The following SLC25A12 variants were observed in gnomAD, a reference collection of about 807,000 sequenced individuals.
SLC25A12 encodes the protein solute carrier family 25 member 12, also known as electrogenic aspartate/glutamate antiporter SLC25A12, mitochondrial.
SLC25A12 carries 32 observed loss-of-function variants against 83.3 expected under a neutral mutation model. The observed-to-expected ratio is 0.38, with a 90% CI of 0.29 to 0.52. SLC25A12 has a LOEUF of 0.52. Ranked by LOEUF, SLC25A12 falls within the 20% of genes least tolerant of loss-of-function variation. SLC25A12 has a pLI of 0.84. For missense variants in SLC25A12, 611 were observed against 835.6 expected, an observed-to-expected ratio of 0.73 and a Z score of 3.31; for synonymous variants, 267 against 291.1, an observed-to-expected ratio of 0.92 and a Z score of 0.84.
chr2:171,837,829 T>G (rs1304650666), intron 5 of SLC25A12, among the ~76,000 whole-genome samples: 1 of 152,224 alleles, frequency 6.6e-6, no homozygotes, highest in Non-Finnish European at 1.5e-5. Context: ...TCAGTCATTC[T>G]AAAATGAAAG....
At chr2:171,851,396 G>C (rs1452562853) in intron 4 of SLC25A12, among the ~76,000 whole-genome samples, 2 of 149,974 alleles carry the variant, frequency 1.3e-5, no homozygotes, top group African/African-American at 4.9e-5. Context: ...TCACCCTGTT[G>C]GCCAGGCTGG....
chr2:171,821,983 AT>A (rs1188798798), intron 9 of SLC25A12, among the ~76,000 whole-genome samples: 1 of 152,194 alleles, frequency 6.6e-6, no homozygotes, highest in Non-Finnish European at 1.5e-5. Context: ...ACTTTTGTGT[AT>A]GGTATGGGGT....
rs1683454235 is a variant in SLC25A12 at position 171,791,382 on chromosome 2, G to C, written c.1585+69C>G. On this transcript the variant is annotated intron_variant, in intron 15 of 17. Coordinates refer to ENST00000422440, the MANE Select transcript of SLC25A12 (RefSeq NM_003705.5). ...ATACTTCCAGAAATAAAGGGGGAAA[G>C]TACATAGAGATTCTGTACTTTTTAA... 7 of 1,287,518 alleles carry C rather than the reference G, an allele frequency of 5.4e-6. 1 individual carries two copies. The South Asian group carries it at 7.1e-5, about 13-fold the overall frequency. 79.8% of individuals were successfully genotyped at this position (1,287,518 alleles called of 1,614,324 possible). A position where few individuals can be genotyped will look rare whatever the true frequency, so the allele number is the denominator to read the frequency against.
At chr2:171,822,368 A>G (rs919004183) in intron 9 of SLC25A12, among the ~76,000 whole-genome samples, 1 of 152,136 alleles carries the variant, frequency 6.6e-6, no homozygotes, top group African/African-American at 2.4e-5. Flanking sequence ...TCCTATAAAG[A>G]TGCATACTGC....
chr2:171,860,692 TG>T (rs1273001248), intron 3 of SLC25A12, among the ~76,000 whole-genome samples: 2 of 152,126 alleles, frequency 1.3e-5, no homozygotes, highest in Middle Eastern at 3.4e-3. Context: ...TATCAATGGC[TG>T]CACTTTACTC....
intron 13 of SLC25A12, among the ~76,000 whole-genome samples, chr2:171,797,070 T>C (rs1317936237): frequency 2.0e-5 from 3 of 152,244 alleles, no homozygotes; most frequent in South Asian, 4.1e-4. Flanking sequence ...TAAGACTCTA[T>C]TGATTATAAA....
chr2:171,881,442 G>A (rs768046349), intron 2 of SLC25A12, among the ~76,000 whole-genome samples: 1 of 151,942 alleles, frequency 6.6e-6, no homozygotes, highest in Non-Finnish European at 1.5e-5. Flanking sequence ...CATCGCGCCC[G>A]GCCAAAACCC....
rs1457361126 is a variant in SLC25A12 at position 171,885,159 on chromosome 2, GC to G, written c.66+8045del. On this transcript the variant is annotated intron_variant, in intron 2 of 17. Coordinates refer to ENST00000422440, the MANE Select transcript of SLC25A12 (RefSeq NM_003705.5). The stretch of plus-strand genomic sequence containing the variant: ...ACCTGGGAGGCGGAGCTTGCAGTGA[GC>G]CCAGAGACTCCGTCTCAAAAAAAAA... Among the ~76,000 whole-genome samples the G allele has an allele frequency of 2.1e-5, 3 of 143,772 alleles. No homozygotes were observed. The East Asian group carries it at 6.5e-4, about 31-fold the overall frequency. 94.3% of individuals were successfully genotyped at this position (143,772 alleles called of 152,430 possible).
At chr2:171,865,799 T>G (rs1344854114) in intron 3 of SLC25A12, among the ~76,000 whole-genome samples, 1 of 152,132 alleles carries the variant, frequency 6.6e-6, no homozygotes, top group Non-Finnish European at 1.5e-5. Context: ...AATACTTGCC[T>G]GGCATCCTCA....
chr2:171,840,896 C>T (rs185797009), intron 5 of SLC25A12, among the ~76,000 whole-genome samples: 4 of 152,150 alleles, frequency 2.6e-5, no homozygotes, highest in East Asian at 3.9e-4. Context: ...AAAACACTCC[C>T]GAGTCAGAGT....
intron 4 of SLC25A12, 128 bp from the exon 5 acceptor site, chr2:171,844,636 C>T (rs1022021581): frequency 1.5e-6 from 1 of 670,038 alleles, no homozygotes; most frequent in African/African-American, 1.8e-5. Context: ...ATTAAAATAA[C>T]TGCAATTTTT....
intron 9 of SLC25A12, among the ~76,000 whole-genome samples, chr2:171,824,583 A>C (rs1382686612): frequency 6.6e-6 from 1 of 152,230 alleles, no homozygotes; most frequent in Non-Finnish European, 1.5e-5. Flanking sequence ...ATTTTTCAAA[A>C]TTCAAGAGCA....
intron 8 of SLC25A12, among the ~76,000 whole-genome samples, chr2:171,828,085 C>T (rs191556474): frequency 1.3e-5 from 2 of 152,338 alleles, no homozygotes; most frequent in East Asian, 3.9e-4. Flanking sequence ...CACCTGACCA[C>T]CATTGCCTGG....
chr2:171,880,906 G>A (rs1337263224), intron 2 of SLC25A12, among the ~76,000 whole-genome samples: 1 of 152,088 alleles, frequency 6.6e-6, no homozygotes, highest in Admixed American at 6.6e-5. Flanking sequence ...AATATATAAA[G>A]CAAAGCTCCT....
chr2:171,801,378 G>A (rs1683704978), intron 13 of SLC25A12, among the ~76,000 whole-genome samples: 1 of 152,166 alleles, frequency 6.6e-6, no homozygotes, highest in Non-Finnish European at 1.5e-5. Context: ...CTATTTTATA[G>A]AGGGTGACAA....
intron 3 of SLC25A12, among the ~76,000 whole-genome samples, chr2:171,863,354 C>T (rs1054964781): frequency 1.3e-4 from 19 of 151,950 alleles, no homozygotes; most frequent in African/African-American, 3.6e-4. Flanking sequence ...GGTGAAACCT[C>T]ATCTCTACTA....
intron 6 of SLC25A12, among the ~76,000 whole-genome samples, chr2:171,836,009 T>C (rs1188498943): frequency 6.6e-6 from 1 of 152,188 alleles, no homozygotes; most frequent in African/African-American, 2.4e-5. Flanking sequence ...AATGAGTCCC[T>C]TCCCACTAAG....
chr2:171,838,931 C>T lies in SLC25A12; in HGVS notation c.466-1664G>A, dbSNP rs114223169. Among the ~76,000 whole-genome samples the T allele has an allele frequency of 6.2e-3, 936 of 152,048 alleles. 14 individuals carry two copies. The highest frequency in any genetic ancestry group is 0.022 in the African/African-American group (907 of 41,484). On this transcript the variant is annotated intron_variant, in intron 5 of 17. Transcript: ENST00000422440. ...CTCTACTTTTGAGTATATTTGAAGT[C>T]TTCCAAAATAAAAAAGATTTTAAAA... is the stretch of plus-strand genomic sequence containing the variant.
At chr2:171,850,409 G>A (rs1684903883) in intron 4 of SLC25A12, among the ~76,000 whole-genome samples, 2 of 119,700 alleles carry the variant, frequency 1.7e-5, no homozygotes, top group African/African-American at 6.5e-5. Flanking sequence ...GCAGTGGCCT[G>A]ATCTTGGCTC....
Sources: allele counts gnomAD v4.1 joint callset (sites outside exome capture counted in the v4.1 genomes callset), GRCh38; gene constraint gnomAD v4.1.1; transcripts MANE v1.5; gene names NCBI Gene and HGNC (gene_info 2026-07-23, HGNC 2026-07-21).